Variants in PHACTR4 observed in about 807,000 individuals in gnomAD.
The protein encoded by PHACTR4 is protein phosphatase 1, regulatory subunit 124.
A neutral mutation model predicts 72.7 loss-of-function variants in PHACTR4; 51 were observed. The ratio of observed to expected loss-of-function variants is 0.70; its 90% CI spans 0.56 to 0.89. The LOEUF (loss-of-function observed/expected upper bound fraction) is 0.89. PHACTR4 is among the 40% of genes least tolerant of loss of function. PHACTR4 has a pLI of 0.00. For synonymous variants in PHACTR4, 255 were observed against 302.5 expected (o/e 0.84, Z 1.63); for missense variants, 731 against 861.8 (o/e 0.85, Z 1.90).
At chr1:28,491,815 T>A in intron 12 of PHACTR4, 28 bp downstream of exon 12, 3 of 1,598,366 alleles carry the variant, frequency 1.9e-6, no homozygotes, top group Non-Finnish European at 1.7e-6. Context: ...TCTTGCTTTT[T>A]TTCTCTTTCT....
intron 2 of PHACTR4, among the ~76,000 whole-genome samples, chr1:28,442,800 C>CT (rs1657137967): frequency 7.0e-6 from 1 of 143,100 alleles, no homozygotes; most frequent in Admixed American, 7.0e-5. Flanking sequence ...GCCACTGTGC[C>CT]TGGCAAATTT....
chr1:28,492,911 T>A, intron 12 of PHACTR4, 104 bp from the exon 13 acceptor site: 1 of 943,862 alleles, frequency 1.1e-6, no homozygotes, highest in Non-Finnish European at 1.7e-6. Context: ...CTGTGAGGGG[T>A]TGCAGTGACT....
At chr1:28,462,940 T>C (rs1283434258) in intron 4 of PHACTR4, among the ~76,000 whole-genome samples, 4 of 152,190 alleles carry the variant, frequency 2.6e-5, no homozygotes, top group Admixed American at 6.5e-5. Flanking sequence ...TGGCTCATGC[T>C]GTAATCCCAG....
At chr1:28,441,834 A>G (rs1283618144) in intron 2 of PHACTR4, among the ~76,000 whole-genome samples, 1 of 152,022 alleles carries the variant, frequency 6.6e-6, no homozygotes, top group African/African-American at 2.4e-5. Context: ...GTTTCTACAA[A>G]AATAAAAATT....
intron 2 of PHACTR4, 136 bp downstream of exon 2, chr1:28,407,599 G>T: frequency 1.7e-6 from 1 of 575,374 alleles, no homozygotes. Context: ...CAAACTTTTT[G>T]CTTCTATAAG....
chr1:28,468,679 C>A (rs1659372669), intron 6 of PHACTR4, among the ~76,000 whole-genome samples: 1 of 152,158 alleles, frequency 6.6e-6, no homozygotes, highest in Non-Finnish European at 1.5e-5. Flanking sequence ...CTGTTCCTTA[C>A]AGTAGTGTTT....
chr1:28,440,280 C>G (rs958232572), intron 2 of PHACTR4, among the ~76,000 whole-genome samples: 2 of 107,090 alleles, frequency 1.9e-5, no homozygotes, highest in Non-Finnish European at 3.5e-5. Flanking sequence ...CCAGCCTGGG[C>G]GACAGAGCGA....
chr1:28,471,709 T>C (rs1659571894), intron 6 of PHACTR4, among the ~76,000 whole-genome samples: 1 of 151,938 alleles, frequency 6.6e-6, no homozygotes, highest in Non-Finnish European at 1.5e-5. Flanking sequence ...TATAGGAATA[T>C]ATACTGTCAT....
chr1:28,390,100 T>G (rs980356998), intron 1 of PHACTR4, among the ~76,000 whole-genome samples: 4 of 152,212 alleles, frequency 2.6e-5, no homozygotes, highest in African/African-American at 9.6e-5. Flanking sequence ...TTACATTAAG[T>G]GAAGTCAGCC....
At chr1:28,451,558 C>T (rs1478551432) in intron 2 of PHACTR4, among the ~76,000 whole-genome samples, 2 of 152,068 alleles carry the variant, frequency 1.3e-5, no homozygotes, top group Non-Finnish European at 2.9e-5. Context: ...AGGTGCGCAT[C>T]ACTGTGCCCT....
At chr1:28,379,284 T>C (rs1303335573) in intron 1 of PHACTR4, among the ~76,000 whole-genome samples, 1 of 151,500 alleles carries the variant, frequency 6.6e-6, no homozygotes, top group Non-Finnish European at 1.5e-5. Context: ...TTTTTTTTTT[T>C]TGAAACAGAG....
chr1:28,457,828 C>G (rs1658500917), intron 2 of PHACTR4: 2 of 984,998 alleles, frequency 2.0e-6, no homozygotes, highest in South Asian at 9.4e-5. Flanking sequence ...TTCTTCCTCT[C>G]TAGACTTCTC....
intron 1 of PHACTR4, among the ~76,000 whole-genome samples, chr1:28,370,611 C>CAAA (rs112345135): frequency 0.029 from 3,816 of 130,186 alleles, 253 homozygotes; most frequent in African/African-American, 0.11. Context: ...TGATTGCTTG[C>CAAA]AAAAAAAAAA....
rs901748358 is a variant in PHACTR4, at chr1:28,391,415, A to AAATAAT, written c.-38-15980_-38-15975dup. 1.1e-4 allele frequency among the ~76,000 whole-genome samples: 16 copies of AAATAAT among 150,652 alleles called. No individual in the cohort carries two copies. The East Asian group carries it at 2.9e-3, about 27-fold the overall frequency. On this transcript the variant is annotated intron_variant, in intron 1 of 13. Coordinates refer to ENST00000373839, the MANE Select transcript of PHACTR4 (RefSeq NM_001048183.3). ...TTCTGTCTCAAAAAATAAATAAATA[A>AAATAAT]AATAATAATAATAATAATAAAGTAA...
intron 1 of PHACTR4, among the ~76,000 whole-genome samples, chr1:28,371,287 AATTT>A (rs756625904): frequency 2.4e-4 from 37 of 151,958 alleles, no homozygotes; most frequent in Non-Finnish European, 4.6e-4. Context: ...TATTTAATTT[AATTT>A]ATTTATATTT....
chr1:28,389,083 G>A (rs183800239), intron 1 of PHACTR4, among the ~76,000 whole-genome samples: 2 of 152,286 alleles, frequency 1.3e-5, no homozygotes, highest in Admixed American at 1.3e-4. Context: ...ACAACGTATA[G>A]AATGGGAGAA....
intron 2 of PHACTR4, among the ~76,000 whole-genome samples, chr1:28,419,273 C>T (rs1035419571): frequency 2.6e-5 from 4 of 151,364 alleles, no homozygotes; most frequent in Non-Finnish European, 5.9e-5. Context: ...CGTGAGCGAC[C>T]GTGGCTGGCC....
chr1:28,483,593 A>C (rs1294749792), intron 9 of PHACTR4, among the ~76,000 whole-genome samples: 1 of 151,624 alleles, frequency 6.6e-6, no homozygotes, highest in East Asian at 2.0e-4. Flanking sequence ...TGAGGTCAGG[A>C]GATCAAGGCC....
intron 1 of PHACTR4, among the ~76,000 whole-genome samples, chr1:28,383,383 G>A (rs1652336128): frequency 6.6e-6 from 1 of 151,932 alleles, no homozygotes; most frequent in Non-Finnish European, 1.5e-5. Flanking sequence ...CTAGTTTTAT[G>A]AAGAATGTCA....
Sources: gnomAD v4.1 joint callset for allele counts (sites outside exome capture counted in the v4.1 genomes callset) on GRCh38, gnomAD v4.1.1 for gene constraint, MANE v1.5 for transcripts, NCBI Gene and HGNC (gene_info 2026-07-23, HGNC 2026-07-21) for gene names.